Variants in RRAS2 observed in about 807,000 individuals in gnomAD.
The protein encoded by RRAS2 is ras-related protein R-Ras2.
RRAS2 carries 7 observed loss-of-function variants against 27.6 expected under a neutral mutation model. The ratio of observed to expected loss-of-function variants is 0.25; its 90% CI spans 0.14 to 0.48. RRAS2 has a LOEUF of 0.48. Ranked by LOEUF, RRAS2 falls within the 20% of genes least tolerant of loss-of-function variation. The pLI, the probability that RRAS2 is intolerant of heterozygous loss-of-function variation, is 0.99. For synonymous variants in RRAS2, 86 were observed against 90.9 expected, an observed-to-expected ratio of 0.95 and a Z score of 0.31; for missense variants, 178 against 256.2, an observed-to-expected ratio of 0.69 and a Z score of 2.08.
intron 4 of RRAS2, among the ~76,000 whole-genome samples, chr11:14,292,574 T>C (rs782810587): frequency 5.5e-4 from 84 of 151,876 alleles, no homozygotes; most frequent in Non-Finnish European, 1.1e-3. Flanking sequence ...CTCAAGGAAA[T>C]GGTCTTAAAA....
chr11:14,340,307 G>A (rs1469991783), intron 1 of RRAS2, among the ~76,000 whole-genome samples: 1 of 151,622 alleles, frequency 6.6e-6, no homozygotes, highest in Non-Finnish European at 1.5e-5. Flanking sequence ...TGCCACATAG[G>A]CCAGGATGGT....
intron 1 of RRAS2, among the ~76,000 whole-genome samples, chr11:14,324,216 G>C (rs577369202): frequency 3.5e-4 from 53 of 151,576 alleles, no homozygotes; most frequent in African/African-American, 1.1e-3. Context: ...AAGGTATTTG[G>C]ATATAAAAGT....
intron 4 of RRAS2, among the ~76,000 whole-genome samples, chr11:14,293,124 A>AATATATACATATAT (rs1847452433): frequency 3.9e-5 from 3 of 76,822 alleles, no homozygotes; most frequent in African/African-American, 1.9e-4. Context: ...AAACAAAACA[A>AATATATACATATAT]ATATATATAT....
chr11:14,291,140 G>C lies in RRAS2; in HGVS notation c.408+3331C>G, dbSNP rs555437469. On this transcript the variant is annotated intron_variant, in intron 4 of 5. Coordinates refer to ENST00000256196, the MANE Select transcript of RRAS2 (RefSeq NM_012250.6). ...GTAGATATGGAGGTAAGGACATGTA[G>C]AAATTTCTCACAGAAACAGGAAAAC... Among the ~76,000 whole-genome samples the C allele has an allele frequency of 2.6e-5, 4 of 152,276 alleles. No homozygotes were observed. The South Asian group carries it at 8.3e-4, about 32-fold the overall frequency.
intron 1 of RRAS2, among the ~76,000 whole-genome samples, chr11:14,338,447 T>C (rs1452275108): frequency 2.6e-5 from 4 of 152,238 alleles, no homozygotes; most frequent in Non-Finnish European, 4.4e-5. Flanking sequence ...GATTTATTTA[T>C]GTTTCTATAC....
chr11:14,290,260 C>T (rs1250113619), intron 4 of RRAS2, among the ~76,000 whole-genome samples: 1 of 152,120 alleles, frequency 6.6e-6, no homozygotes, highest in African/African-American at 2.4e-5. Context: ...CCAGCCTGGC[C>T]AACATGGTGA....
chr11:14,302,858 A>G (rs1187576150), intron 1 of RRAS2, among the ~76,000 whole-genome samples: 1 of 152,196 alleles, frequency 6.6e-6, no homozygotes, highest in African/African-American at 2.4e-5. Flanking sequence ...ATAGACCCGG[A>G]CACAGTTCTA....
chr11:14,349,956 G>T (rs1591489634), intron 1 of RRAS2, among the ~76,000 whole-genome samples: 1 of 152,096 alleles, frequency 6.6e-6, no homozygotes, highest in Non-Finnish European at 1.5e-5. Flanking sequence ...ACATTAACAT[G>T]GTTTCAAAAG....
intron 1 of RRAS2, among the ~76,000 whole-genome samples, chr11:14,326,635 G>A (rs1343469631): frequency 6.6e-6 from 1 of 152,150 alleles, no homozygotes; most frequent in Non-Finnish European, 1.5e-5. Context: ...GTTCCAGTAA[G>A]AGCAAAATGT....
intron 1 of RRAS2, among the ~76,000 whole-genome samples, chr11:14,355,146 T>A (rs1849045260): frequency 6.6e-6 from 1 of 151,004 alleles, no homozygotes; most frequent in African/African-American, 2.4e-5. Flanking sequence ...AACACACAGC[T>A]AGTTAAATGA....
At chr11:14,333,274 C>T (rs1367353174) in intron 1 of RRAS2, among the ~76,000 whole-genome samples, 2 of 152,080 alleles carry the variant, frequency 1.3e-5, no homozygotes, top group African/African-American at 2.4e-5. Flanking sequence ...ATAAATATCA[C>T]TGTAGATAGA....
intron 4 of RRAS2, among the ~76,000 whole-genome samples, chr11:14,288,472 G>A (rs1229132935): frequency 2.6e-5 from 4 of 152,114 alleles, no homozygotes; most frequent in Non-Finnish European, 4.4e-5. Flanking sequence ...ACAACATACC[G>A]GAACAGAGCC....
chr11:14,333,651 C>A (rs998015833), intron 1 of RRAS2, among the ~76,000 whole-genome samples: 12 of 135,862 alleles, frequency 8.8e-5, no homozygotes, highest in Non-Finnish European at 2.0e-4. Context: ...CCCCACCCTG[C>A]CCCTTTTTTT....
intron 1 of RRAS2, among the ~76,000 whole-genome samples, chr11:14,349,060 G>C (rs1221484111): frequency 6.6e-6 from 1 of 152,144 alleles, no homozygotes; most frequent in African/African-American, 2.4e-5. Context: ...CCGCCTCCCA[G>C]GTTCACGCCA....
chr11:14,321,563 T>G (rs1554950285), intron 1 of RRAS2, among the ~76,000 whole-genome samples: 1 of 152,188 alleles, frequency 6.6e-6, no homozygotes, highest in East Asian at 1.9e-4. Flanking sequence ...TTAAGACCAC[T>G]TTAGCCTACC....
intron 1 of RRAS2, among the ~76,000 whole-genome samples, chr11:14,300,247 CA>C (rs1847664134): frequency 6.6e-6 from 1 of 152,138 alleles, no homozygotes. Flanking sequence ...CCCTCCCATT[CA>C]AAGGGCAGCA....
At chr11:14,300,960 C>T (rs930469629) in intron 1 of RRAS2, among the ~76,000 whole-genome samples, 1 of 152,184 alleles carries the variant, frequency 6.6e-6, no homozygotes, top group Non-Finnish European at 1.5e-5. Flanking sequence ...CTAGGAAACT[C>T]AGTGAATCCA....
intron 1 of RRAS2, among the ~76,000 whole-genome samples, chr11:14,301,209 A>T (rs1847693461): frequency 6.6e-6 from 1 of 152,260 alleles, no homozygotes; most frequent in Non-Finnish European, 1.5e-5. Flanking sequence ...GGCAACGTGT[A>T]TATGGTTGTA....
intron 1 of RRAS2, among the ~76,000 whole-genome samples, chr11:14,298,332 T>C (rs782771112): frequency 3.9e-5 from 6 of 152,212 alleles, no homozygotes; most frequent in Non-Finnish European, 7.3e-5. Context: ...TTTTTACAAA[T>C]GCCAAGCCAT....
Sources: gnomAD v4.1 joint callset for allele counts (sites outside exome capture counted in the v4.1 genomes callset) on GRCh38, gnomAD v4.1.1 for gene constraint, MANE v1.5 for transcripts, NCBI Gene and HGNC (gene_info 2026-07-23, HGNC 2026-07-21) for gene names.